Variants in XIRP2 observed in about 807,000 individuals in gnomAD.
XIRP2 encodes the protein xin actin-binding repeat-containing protein 2.
Under a neutral mutation model 277.0 loss-of-function variants are expected in XIRP2, and 236 were observed. That is an observed-to-expected ratio of 0.85 (90% CI 0.77 to 0.95). The LOEUF is 0.95. Among genes scored for constraint, XIRP2 ranks in the 40% least tolerant of loss-of-function variants. The pLI is 0.00. For missense variants in XIRP2, 4,640 were observed against 4,157.5 expected, an observed-to-expected ratio of 1.12 and a Z score of -3.19; for synonymous variants, 1,490 against 1,416.5, an observed-to-expected ratio of 1.05 and a Z score of -1.17.
intron 2 of XIRP2, among the ~76,000 whole-genome samples, chr2:167,038,925 TCTA>T (rs752785499): frequency 2.6e-5 from 4 of 152,052 alleles, no homozygotes; most frequent in Non-Finnish European, 5.9e-5. Flanking sequence ...ACAAAAAAAA[TCTA>T]CTAATTTGTG....
At chr2:166,953,663 T>C (rs372261920) in intron 2 of XIRP2, among the ~76,000 whole-genome samples, 8 of 152,068 alleles carry the variant, frequency 5.3e-5, no homozygotes, top group Admixed American at 3.9e-4. Context: ...GGAAGTAGAA[T>C]GTTCCATCAG....
chr2:167,142,559 AAAAT>A (rs971302827), intron 3 of XIRP2, among the ~76,000 whole-genome samples: 8 of 151,998 alleles, frequency 5.3e-5, no homozygotes, highest in Admixed American at 3.9e-4. Flanking sequence ...AAAATAATAA[AAAAT>A]AAAAAAATAA....
chr2:167,203,644 T>A (rs11891282), intron 3 of XIRP2, among the ~76,000 whole-genome samples: 6,395 of 152,320 alleles, frequency 0.042, 253 homozygotes, highest in African/African-American at 0.098. Flanking sequence ...GCTGTACACT[T>A]GCTTTCATTT....
intron 2 of XIRP2, among the ~76,000 whole-genome samples, chr2:166,998,433 C>T (rs927045674): frequency 6.6e-6 from 1 of 151,962 alleles, no homozygotes. Flanking sequence ...GTCAGGAGAT[C>T]GAGACCATCC....
intron 4 of XIRP2, among the ~76,000 whole-genome samples, chr2:167,212,712 T>C (rs368158739): frequency 7.2e-5 from 11 of 152,194 alleles, no homozygotes; most frequent in African/African-American, 2.7e-4. Context: ...TCCTCTTCCC[T>C]AAATGAGAAA....
At chr2:166,934,195 C>CAA (rs750753001) in intron 2 of XIRP2, among the ~76,000 whole-genome samples, 2,155 of 71,356 alleles carry the variant, frequency 0.03, 84 homozygotes, top group African/African-American at 0.071. Flanking sequence ...AAATCAACAG[C>CAA]AAAAAAAAAA....
chr2:167,134,517 A>G (rs1029863610), intron 2 of XIRP2, among the ~76,000 whole-genome samples: 2 of 152,234 alleles, frequency 1.3e-5, no homozygotes, highest in Non-Finnish European at 2.9e-5. Context: ...CTTAAGAGGT[A>G]ACAAAAGTGA....
chr2:166,968,079 T>C (rs763790580), intron 2 of XIRP2, among the ~76,000 whole-genome samples: 5 of 151,936 alleles, frequency 3.3e-5, no homozygotes, highest in African/African-American at 7.2e-5. Flanking sequence ...TTTCTAGAAT[T>C]TCAAGAAGTT....
intron 2 of XIRP2, among the ~76,000 whole-genome samples, chr2:166,937,918 A>T (rs1324504282): frequency 1.3e-5 from 2 of 152,052 alleles, no homozygotes; most frequent in Non-Finnish European, 2.9e-5. Context: ...GGTATTTTGT[A>T]TTTCTGTGGG....
At chr2:166,931,149 T>C (rs1389792999) in intron 2 of XIRP2, among the ~76,000 whole-genome samples, 2 of 152,152 alleles carry the variant, frequency 1.3e-5, no homozygotes, top group East Asian at 1.9e-4. Flanking sequence ...AAGATTAGTG[T>C]AGGTCGATAG....
At chr2:167,037,088 A>G (rs1306624898) in intron 2 of XIRP2, among the ~76,000 whole-genome samples, 3 of 151,968 alleles carry the variant, frequency 2.0e-5, no homozygotes, top group Non-Finnish European at 4.4e-5. Flanking sequence ...CTAATACAAG[A>G]CCCCAATTCA....
intron 3 of XIRP2, among the ~76,000 whole-genome samples, chr2:167,166,311 T>C (rs1483585657): frequency 6.6e-6 from 1 of 152,198 alleles, no homozygotes; most frequent in African/African-American, 2.4e-5. Flanking sequence ...TCCATTGTAG[T>C]CTAAGGATAG....
intron 3 of XIRP2, 80 bp downstream of exon 3, chr2:167,136,142 G>T: frequency 7.5e-7 from 1 of 1,334,258 alleles, no homozygotes; most frequent in Non-Finnish European, 9.7e-7. Context: ...ATATATGAGG[G>T]GTTTGTTTAA....
At chr2:167,001,189 C>G (rs1687358663) in intron 2 of XIRP2, among the ~76,000 whole-genome samples, 1 of 151,946 alleles carries the variant, frequency 6.6e-6, no homozygotes, top group Non-Finnish European at 1.5e-5. Context: ...GCTTCCTATG[C>G]CTATTGGATA....
chr2:166,904,779 T>C (rs545689090), intron 2 of XIRP2, among the ~76,000 whole-genome samples: 1 of 152,224 alleles, frequency 6.6e-6, no homozygotes, highest in South Asian at 2.1e-4. Context: ...TTTGTTTGTT[T>C]GATTGTTTTT....
At chr2:167,083,208 C>T (rs1467815144) in intron 2 of XIRP2, among the ~76,000 whole-genome samples, 4 of 152,166 alleles carry the variant, frequency 2.6e-5, no homozygotes, top group African/African-American at 4.8e-5. Context: ...GGAATCCTTT[C>T]CCCATTGCTT....
At chr2:167,214,118 G>GAAGGAAGGAAGGAAGGAAGC in intron 4 of XIRP2, among the ~76,000 whole-genome samples, 1 of 122,024 alleles carries the variant, frequency 8.2e-6, no homozygotes, top group Non-Finnish European at 1.7e-5. Flanking sequence ...AGGAAGGAAG[G>GAAGGAAGGAAGGAAGGAAGC]AAGGAAGGAA....
intron 1 of XIRP2, among the ~76,000 whole-genome samples, chr2:166,896,177 T>C (rs1684237546): frequency 6.6e-6 from 1 of 152,190 alleles, no homozygotes; most frequent in Non-Finnish European, 1.5e-5. Context: ...AAAACATCCC[T>C]ATTGCCCAGT....
intron 2 of XIRP2, among the ~76,000 whole-genome samples, chr2:166,918,057 G>A (rs1235227051): frequency 2.6e-5 from 4 of 152,148 alleles, no homozygotes; most frequent in Non-Finnish European, 4.4e-5. Flanking sequence ...AATACCACAG[G>A]AGTGATGCTG....
Sources: gnomAD v4.1 joint callset for allele counts (sites outside exome capture counted in the v4.1 genomes callset) on GRCh38, gnomAD v4.1.1 for gene constraint, MANE v1.5 for transcripts, NCBI Gene and HGNC (gene_info 2026-07-23, HGNC 2026-07-21) for gene names.